Variants in BAALC observed in about 807,000 individuals in gnomAD.
The protein encoded by BAALC is BAALC binder of MAP3K1 and KLF4.
BAALC carries 9 observed loss-of-function variants against 15.5 expected under a neutral mutation model. That is an observed-to-expected ratio of 0.58 (90% confidence interval 0.35 to 1.02). The LOEUF is 1.02. BAALC is among the 50% of genes least tolerant of loss of function. The probability of loss-of-function intolerance (pLI) is 0.02; values close to 1 mark genes in which losing one functional copy is unlikely to be tolerated. For missense variants in BAALC, 201 were observed against 192.4 expected (o/e 1.04, Z -0.27); for synonymous variants, 80 against 74.6 (o/e 1.07, Z -0.37).
At chr8:103,205,621 TG>T (rs1812310919) in intron 1 of BAALC, among the ~76,000 whole-genome samples, 1 of 152,174 alleles carries the variant, frequency 6.6e-6, no homozygotes, top group East Asian at 1.9e-4. Flanking sequence ...TTAGAATCCC[TG>T]GGGGTGGGAT....
rs540547252 is a variant in BAALC at position 103,229,739 on chromosome 8, G to A, written c.*1640G>A. ...TCTTAAACTAGGTGTTCTAATCAAT[G>A]TACAAGACTTTACCATACACGCAAC... On this transcript the variant is annotated 3_prime_UTR_variant, in exon 3 of 3. Transcript: ENST00000309982. 2 of 152,248 alleles carry A rather than the reference G, an allele frequency of 1.3e-5. No individual in the cohort carries two copies. The highest frequency in any genetic ancestry group is 4.1e-4 in the South Asian group (2 of 4,826). The allele number at this position is 152,248 out of a possible 1,614,324, so 9.4% of individuals were successfully genotyped here. A position where few individuals can be genotyped will look rare whatever the true frequency, so the allele number is the denominator to read the frequency against.
chr8:103,215,716 T>C lies in BAALC; in HGVS notation c.327+2631T>C, dbSNP rs189008223. Among the ~76,000 whole-genome samples the C allele has an allele frequency of 4.7e-3, 719 of 152,328 alleles. 4 individuals are homozygous for C. Among genetic ancestry groups the C allele is most frequent in the South Asian group, 0.015 (73 of 4,824 alleles). ...TCTCTGCTCACATCATACTGACTAA[T>C]ATCCCATTGGCCAAAGCAAGTCAAA... On this transcript the variant is annotated intron_variant, in intron 2 of 2. Coordinates refer to ENST00000309982, the MANE Select transcript of BAALC (RefSeq NM_024812.3).
chr8:103,185,220 G>T (rs1404651312), intron 1 of BAALC, among the ~76,000 whole-genome samples: 1 of 151,942 alleles, frequency 6.6e-6, no homozygotes, highest in Non-Finnish European at 1.5e-5. Flanking sequence ...AATCTAGATG[G>T]TCTCTGCTCA....
chr8:103,192,013 A>G (rs1343175665), intron 1 of BAALC, among the ~76,000 whole-genome samples: 2 of 152,166 alleles, frequency 1.3e-5, no homozygotes, highest in Admixed American at 1.3e-4. Context: ...CTGCCACAAC[A>G]GAGAGTCTGG....
intron 1 of BAALC, among the ~76,000 whole-genome samples, chr8:103,149,214 A>G (rs1207079157): frequency 6.6e-6 from 1 of 151,744 alleles, no homozygotes; most frequent in African/African-American, 2.4e-5. Context: ...AATATTAACC[A>G]TTTAGCGTGG....
At chr8:103,167,263 G>T (rs569433029) in intron 1 of BAALC, among the ~76,000 whole-genome samples, 1 of 152,108 alleles carries the variant, frequency 6.6e-6, no homozygotes, top group Non-Finnish European at 1.5e-5. Context: ...TGTAGGGTGC[G>T]CTTTCAAAGT....
At chr8:103,166,814 C>T (rs1017292625) in intron 1 of BAALC, among the ~76,000 whole-genome samples, 4 of 152,116 alleles carry the variant, frequency 2.6e-5, no homozygotes, top group African/African-American at 4.8e-5. Context: ...GTGTATAATG[C>T]TAAATACAGC....
chr8:103,153,926 A>G (rs1158706748), intron 1 of BAALC, among the ~76,000 whole-genome samples: 1 of 152,186 alleles, frequency 6.6e-6, no homozygotes, highest in East Asian at 1.9e-4. Flanking sequence ...CAGCGGTTAC[A>G]ATGGAAGCAG....
At chr8:103,198,545 T>C (rs1037942568) in intron 1 of BAALC, among the ~76,000 whole-genome samples, 11 of 151,492 alleles carry the variant, frequency 7.3e-5, no homozygotes, top group African/African-American at 2.7e-4. Flanking sequence ...GTTTTCTGTG[T>C]GTATATGTGT....
chr8:103,161,031 G>A (rs929625137), intron 1 of BAALC, among the ~76,000 whole-genome samples: 2 of 152,060 alleles, frequency 1.3e-5, no homozygotes, highest in Non-Finnish European at 2.9e-5. Flanking sequence ...CCATCACAGT[G>A]GTTAAGCCAT....
intron 2 of BAALC, chr8:103,219,620 G>C (rs1222818497): frequency 6.6e-6 from 1 of 152,276 alleles, no homozygotes; most frequent in African/African-American, 2.4e-5. Context: ...TCCAGGCTTG[G>C]AGGAATCTTA....
intron 1 of BAALC, among the ~76,000 whole-genome samples, chr8:103,196,067 A>G (rs1381326089): frequency 6.6e-6 from 1 of 152,182 alleles, no homozygotes; most frequent in African/African-American, 2.4e-5. Flanking sequence ...TAGAAGGAAC[A>G]GTGTTATAAA....
intron 2 of BAALC, 72 bp downstream of exon 2, chr8:103,213,157 C>T: frequency 6.6e-7 from 1 of 1,507,478 alleles, no homozygotes; most frequent in South Asian, 1.2e-5. Context: ...GCAGAGCCAC[C>T]CAGCCGCTAT....
At chr8:103,192,895 TTC>T (rs2130006972) in intron 1 of BAALC, among the ~76,000 whole-genome samples, 1 of 152,254 alleles carries the variant, frequency 6.6e-6, no homozygotes, top group Non-Finnish European at 1.5e-5. Flanking sequence ...CCTCTTAGAC[TTC>T]TCTCTTACCA....
chr8:103,152,214 T>C (rs1050984729), intron 1 of BAALC, among the ~76,000 whole-genome samples: 7 of 152,182 alleles, frequency 4.6e-5, no homozygotes, highest in African/African-American at 1.2e-4. Flanking sequence ...GGGGCCTGCA[T>C]GACGAGGTCC....
rs183204786 is a variant in BAALC at position 103,221,967 on chromosome 8, C to T, written c.328-6022C>T. 2.1e-3 allele frequency among the ~76,000 whole-genome samples: 321 copies of T among 152,266 alleles called. 1 individual carries two copies. Among genetic ancestry groups the T allele is most frequent in the Middle Eastern group, 0.014 (4 of 294 alleles). On this transcript the variant is annotated intron_variant, in intron 2 of 2. Transcript: ENST00000309982. ...GGAGGCATGAGACATCAGTCAAATA[C>T]ATTTAAGAAACACATTGGTTTGGTT...
Position 103,230,096 on chromosome 8 carries a change from G to T in BAALC, c.*1997G>T, listed in dbSNP as rs1812896026. ...TAGAAACACTTTCTCACTTACAGGG[G>T]AGAAGGAAATGCAGGGCACATGATC... On this transcript the variant is annotated 3_prime_UTR_variant, in exon 3 of 3. Coordinates refer to ENST00000309982, the MANE Select transcript of BAALC (RefSeq NM_024812.3). 1 of 152,170 alleles carries T rather than the reference G, an allele frequency of 6.6e-6. No individual in the cohort carries two copies. Among genetic ancestry groups the T allele is most frequent in the South Asian group, 2.1e-4 (1 of 4,826 alleles). 9.4% of individuals were successfully genotyped at this position (152,170 alleles called of 1,614,324 possible).
intron 1 of BAALC, among the ~76,000 whole-genome samples, chr8:103,168,054 A>AT (rs367802964): frequency 6.4e-4 from 97 of 152,136 alleles, no homozygotes; most frequent in African/African-American, 2.2e-3. Context: ...CTAGTTTTTT[A>AT]TTTATTTCTC....
chr8:103,188,113 G>C (rs1325022785), intron 1 of BAALC, among the ~76,000 whole-genome samples: 4 of 152,154 alleles, frequency 2.6e-5, no homozygotes, highest in Non-Finnish European at 4.4e-5. Flanking sequence ...CTGGGTTCAA[G>C]TCACCTGATG....
Sources: gnomAD v4.1 joint callset for allele counts (sites outside exome capture counted in the v4.1 genomes callset) on GRCh38, gnomAD v4.1.1 for gene constraint, MANE v1.5 for transcripts, NCBI Gene and HGNC (gene_info 2026-07-23, HGNC 2026-07-21) for gene names.